ENKUR: variants seen among roughly 807,000 people sequenced by gnomAD.
ENKUR encodes the protein enkurin.
Under a neutral mutation model 27.6 loss-of-function variants are expected in ENKUR, and 19 were observed. The ratio of observed to expected loss-of-function variants is 0.69; its 90% CI spans 0.48 to 1.01. The LOEUF is 1.01. ENKUR is among the 50% of genes least tolerant of loss of function. The pLI is 0.00. For missense variants in ENKUR, 312 were observed against 310.5 expected (o/e 1.00, Z -0.04); for synonymous variants, 117 against 96.9 (o/e 1.21, Z -1.22).
intron 2 of ENKUR, among the ~76,000 whole-genome samples, chr10:25,058,202 G>C (rs1292905401): frequency 1.3e-5 from 2 of 151,834 alleles, no homozygotes; most frequent in African/African-American, 2.4e-5. Context: ...TGGTGTTTTT[G>C]TTGTTGTTGT....
intron 3 of ENKUR, among the ~76,000 whole-genome samples, chr10:24,995,025 A>G (rs923811429): frequency 6.6e-6 from 1 of 152,200 alleles, no homozygotes; most frequent in Non-Finnish European, 1.5e-5. Flanking sequence ...TGTCTCAAAA[A>G]AAATCTATAT....
chr10:25,024,937 C>T (rs1454554472), intron 2 of ENKUR: 2 of 1,613,952 alleles, frequency 1.2e-6, no homozygotes, highest in Non-Finnish European at 1.7e-6. Flanking sequence ...ATCTTCAAAC[C>T]TAGAACGACA....
intron 2 of ENKUR, among the ~76,000 whole-genome samples, chr10:25,048,860 A>AT (rs34318277): frequency 0.34 from 51,551 of 149,812 alleles, 9,030 homozygotes; most frequent in East Asian, 0.47. Flanking sequence ...ATAAAACTTC[A>AT]TTTTTTTTTT....
upstream of ENKUR, among the ~76,000 whole-genome samples, chr10:25,019,475 AAAAC>A (rs544509655): frequency 5.3e-5 from 8 of 152,348 alleles, no homozygotes; most frequent in South Asian, 1.2e-3. Context: ...GCCTGTCTGA[AAAAC>A]AAACAAAAAC....
intron 2 of ENKUR, chr10:25,061,092 C>G: frequency 6.5e-7 from 1 of 1,535,832 alleles, no homozygotes; most frequent in Non-Finnish European, 8.7e-7. Context: ...AACCTGTGAA[C>G]ACAAGAATGT....
At chr10:25,030,639 T>C (rs1204514961) in intron 2 of ENKUR, among the ~76,000 whole-genome samples, 1 of 152,208 alleles carries the variant, frequency 6.6e-6, no homozygotes, top group Non-Finnish European at 1.5e-5. Context: ...GTTTTGCTGC[T>C]GGAGCACTTT....
At chr10:25,003,134 G>C (rs776341344) in intron 1 of ENKUR, among the ~76,000 whole-genome samples, 2 of 151,714 alleles carry the variant, frequency 1.3e-5, no homozygotes, top group African/African-American at 4.8e-5. Flanking sequence ...AAATTTTCCA[G>C]AATAAATTCA....
At chr10:25,048,546 A>T (rs1012935076) in intron 2 of ENKUR, among the ~76,000 whole-genome samples, 1 of 152,088 alleles carries the variant, frequency 6.6e-6, no homozygotes, top group Non-Finnish European at 1.5e-5. Flanking sequence ...CAGCAGAAAG[A>T]AAACCAAGCC....
At chr10:25,007,539 A>G (rs1423872851) in intron 1 of ENKUR, among the ~76,000 whole-genome samples, 2 of 152,236 alleles carry the variant, frequency 1.3e-5, no homozygotes, top group African/African-American at 2.4e-5. Flanking sequence ...GGTTCACACC[A>G]TTCTCCTGCC....
At chr10:25,002,585 T>C (rs1299957855) in intron 1 of ENKUR, among the ~76,000 whole-genome samples, 2 of 152,210 alleles carry the variant, frequency 1.3e-5, no homozygotes, top group South Asian at 2.1e-4. Context: ...TGTTGTTTCA[T>C]ATATTTTTTT....
intron 2 of ENKUR, among the ~76,000 whole-genome samples, chr10:25,058,092 T>A (rs1851281123): frequency 6.6e-6 from 1 of 152,114 alleles, no homozygotes; most frequent in Non-Finnish European, 1.5e-5. Flanking sequence ...AAACGCTTCG[T>A]GCCCAGAGTC....
chr10:25,045,386 T>G (rs558242132), intron 2 of ENKUR, among the ~76,000 whole-genome samples: 1 of 152,150 alleles, frequency 6.6e-6, no homozygotes, highest in African/African-American at 2.4e-5. Flanking sequence ...AAGAGGATAA[T>G]ATGATATTAA....
Position 24,984,861 on chromosome 10 carries a change from G to T in ENKUR, c.639C>A (p.Ser213=), listed in dbSNP as rs765093450. The change falls in exon 5 of 6, where the codon TCC becomes TCA. Residue 213 remains serine (S), a synonymous_variant. Transcript: ENST00000331161. The part of the protein sequence containing the change: ...NWEEVHKEFQ[S]LSVFIDSIPK... ...GTATAGAATCTATAAAGACCGAGAG[G>T]GACTGGAATTCTTTATGCACCTCTT... The T allele has an allele frequency of 6.2e-7, 1 of 1,613,190 alleles. No individual in the cohort carries two copies.
At chr10:25,019,098 GT>G (rs1466873800), upstream of ENKUR, among the ~76,000 whole-genome samples, 1 of 152,190 alleles carries the variant, frequency 6.6e-6, no homozygotes, top group Non-Finnish European at 1.5e-5. Flanking sequence ...CTTTTGGCTA[GT>G]TTGTGTCCTG....
chr10:24,988,692 A>G (rs1215990117), intron 4 of ENKUR, among the ~76,000 whole-genome samples: 528 of 33,342 alleles, frequency 0.016, 39 homozygotes, highest in African/African-American at 0.07. Flanking sequence ...ATATATATAT[A>G]TATATATATA....
chr10:25,005,975 C>T (rs994506780), intron 1 of ENKUR, among the ~76,000 whole-genome samples: 1 of 152,064 alleles, frequency 6.6e-6, no homozygotes, highest in African/African-American at 2.4e-5. Flanking sequence ...GTGCCACATG[C>T]GGAAATCATA....
At chr10:25,015,797 C>T (rs1268490667) in intron 1 of ENKUR, 63 bp downstream of exon 1, 15 of 1,415,214 alleles carry the variant, frequency 1.1e-5, no homozygotes, top group Non-Finnish European at 1.3e-5. Context: ...TATATGTATG[C>T]TTAATTAATA....
intron 4 of ENKUR, among the ~76,000 whole-genome samples, chr10:24,986,628 T>A (rs530321227): frequency 6.6e-6 from 1 of 152,300 alleles, no homozygotes; most frequent in African/African-American, 2.4e-5. Context: ...TTGGGTGATG[T>A]TTCCATATTA....
At chr10:25,060,936 A>G (rs1483550842) in intron 2 of ENKUR, among the ~76,000 whole-genome samples, 1 of 151,942 alleles carries the variant, frequency 6.6e-6, no homozygotes, top group African/African-American at 2.4e-5. Context: ...CTGGTCTTGA[A>G]CTTCTGATCT....
Sources: gnomAD v4.1 joint callset for allele counts (sites outside exome capture counted in the v4.1 genomes callset) on GRCh38, gnomAD v4.1.1 for gene constraint, MANE v1.5 for transcripts, NCBI Gene and HGNC (gene_info 2026-07-23, HGNC 2026-07-21) for gene names.